Variants in RBFOX1 observed in about 807,000 individuals in gnomAD.
RBFOX1 encodes RNA binding protein fox-1 homolog 1.
A neutral mutation model predicts 57.7 loss-of-function variants in RBFOX1; 8 were observed. The ratio of observed to expected loss-of-function variants is 0.14; its 90% CI spans 0.08 to 0.25. The LOEUF (loss-of-function observed/expected upper bound fraction) is 0.25. Ranked by LOEUF, RBFOX1 falls within the 10% of genes least tolerant of loss-of-function variation. The probability of loss-of-function intolerance (pLI) is 1.00; values close to 1 mark genes in which losing one functional copy is unlikely to be tolerated. For missense variants in RBFOX1, 611 were observed against 548.5 expected (o/e 1.11, Z -1.14); for synonymous variants, 326 against 222.4 (o/e 1.47, Z -4.15).
chr16:7,279,943 T>G (rs2095508868), intron 4 of RBFOX1, among the ~76,000 whole-genome samples: 2 of 152,196 alleles, frequency 1.3e-5, no homozygotes, highest in South Asian at 4.1e-4. Flanking sequence ...CCAGTGGGCC[T>G]GGTAACAATA....
chr16:5,860,113 C>G (rs916399906), intron 3 of RBFOX1, among the ~76,000 whole-genome samples: 2 of 152,152 alleles, frequency 1.3e-5, no homozygotes, highest in African/African-American at 4.8e-5. Flanking sequence ...GATGGAGTCT[C>G]ACTCTGTCGC....
chr16:7,047,596 G>T (rs567806174), intron 3 of RBFOX1, among the ~76,000 whole-genome samples: 2 of 139,952 alleles, frequency 1.4e-5, no homozygotes, highest in Non-Finnish European at 3.1e-5. Flanking sequence ...AATGTAGGAA[G>T]TTTTCAGCCA....
intron 1 of RBFOX1, among the ~76,000 whole-genome samples, chr16:5,293,687 A>G (rs112031578): frequency 0.022 from 3,381 of 152,136 alleles, 70 homozygotes; most frequent in East Asian, 0.062. Context: ...CATTTATATG[A>G]AAGGTCCAGA....
At chr16:5,716,328 G>A (rs1289570875) in intron 3 of RBFOX1, among the ~76,000 whole-genome samples, 1 of 152,170 alleles carries the variant, frequency 6.6e-6, no homozygotes, top group Non-Finnish European at 1.5e-5. Context: ...ATGGGAGATT[G>A]TTGTACAGAT....
At chr16:5,974,423 A>C (rs1241509584) in intron 4 of RBFOX1, among the ~76,000 whole-genome samples, 2 of 152,002 alleles carry the variant, frequency 1.3e-5, no homozygotes, top group African/African-American at 4.8e-5. Context: ...AGCCTGGCCA[A>C]CATGGTGAAA....
At chr16:5,574,615 G>C (rs1053051719) in intron 2 of RBFOX1, among the ~76,000 whole-genome samples, 14 of 151,926 alleles carry the variant, frequency 9.2e-5, no homozygotes, top group Admixed American at 2.6e-4. Context: ...ATTTTTAGTA[G>C]AGATGGGGTT....
chr16:5,414,462 G>T (rs769344221), intron 1 of RBFOX1, among the ~76,000 whole-genome samples: 1 of 152,138 alleles, frequency 6.6e-6, no homozygotes, highest in Non-Finnish European at 1.5e-5. Flanking sequence ...CAGAATGGAG[G>T]GTGACAGTTG....
chr16:6,806,826 A>ATATG (rs1161469236), intron 3 of RBFOX1, among the ~76,000 whole-genome samples: 1 of 76,538 alleles, frequency 1.3e-5, no homozygotes, highest in African/African-American at 4.6e-5. Flanking sequence ...AAATATATAT[A>ATATG]TATATATATA....
intron 2 of RBFOX1, among the ~76,000 whole-genome samples, chr16:6,355,803 C>A (rs1453025549): frequency 6.6e-6 from 1 of 152,168 alleles, no homozygotes; most frequent in Non-Finnish European, 1.5e-5. Context: ...TCTTTTGTTT[C>A]CTGACTTTTT....
At chr16:5,673,527 A>G (rs909205451) in intron 3 of RBFOX1, among the ~76,000 whole-genome samples, 8 of 152,182 alleles carry the variant, frequency 5.3e-5, no homozygotes, top group African/African-American at 1.9e-4. Flanking sequence ...CTTGGCACCT[A>G]AAGGTTGACG....
intron 3 of RBFOX1, among the ~76,000 whole-genome samples, chr16:6,915,768 C>A (rs753097040): frequency 6.6e-6 from 1 of 152,012 alleles, no homozygotes; most frequent in African/African-American, 2.4e-5. Context: ...CCCATGCTGC[C>A]CTCAAGCACC....
At chr16:7,376,371 C>T (rs910389059) in intron 4 of RBFOX1, among the ~76,000 whole-genome samples, 1 of 152,186 alleles carries the variant, frequency 6.6e-6, no homozygotes, top group Non-Finnish European at 1.5e-5. Flanking sequence ...TGACTCAACG[C>T]AGCATCGCCT....
intron 3 of RBFOX1, among the ~76,000 whole-genome samples, chr16:6,906,023 G>T (rs1049662903): frequency 2.0e-5 from 3 of 152,150 alleles, no homozygotes; most frequent in Non-Finnish European, 4.4e-5. Context: ...TCCTCTGGTT[G>T]GGCAGAATGC....
intron 1 of RBFOX1, among the ~76,000 whole-genome samples, chr16:6,183,094 A>G (rs559499220): frequency 6.6e-6 from 1 of 152,310 alleles, no homozygotes; most frequent in South Asian, 2.1e-4. Context: ...TCTTTCTCTC[A>G]GGAAATTTGT....
chr16:7,129,204 C>G lies in RBFOX1; in HGVS notation c.27+77106C>G, dbSNP rs75157339. Among the ~76,000 whole-genome samples, 785 of 152,244 alleles carry G rather than the reference C, an allele frequency of 5.2e-3. 7 individuals are homozygous for G. The highest frequency in any genetic ancestry group is 0.018 in the African/African-American group (751 of 41,554). On this transcript the variant is annotated intron_variant, in intron 4 of 15. Transcript: ENST00000550418. ...TGGCTCCAGAGTACAAGTTCTTCCT[C>G]ATTGCAATGTTCTTTATATAGTTTT...
intron 2 of RBFOX1, among the ~76,000 whole-genome samples, chr16:6,376,332 C>T (rs909359944): frequency 6.6e-6 from 1 of 152,042 alleles, no homozygotes. Flanking sequence ...GCAAGGGCCC[C>T]TGCAAAGTAT....
chr16:5,860,002 G>T (rs545039979), intron 3 of RBFOX1, among the ~76,000 whole-genome samples: 2 of 152,190 alleles, frequency 1.3e-5, no homozygotes, highest in African/African-American at 4.8e-5. Context: ...CTGCAACAAG[G>T]CTATCTTAGG....
chr16:7,460,604 A>G (rs963639239), intron 4 of RBFOX1, among the ~76,000 whole-genome samples: 1 of 150,954 alleles, frequency 6.6e-6, no homozygotes, highest in Non-Finnish European at 1.5e-5. Context: ...TCAAGAAAAA[A>G]TAACTATGGG....
At chr16:6,751,350 G>A (rs541875861) in intron 3 of RBFOX1, among the ~76,000 whole-genome samples, 1 of 152,214 alleles carries the variant, frequency 6.6e-6, no homozygotes, top group South Asian at 2.1e-4. Context: ...TGAATGGACT[G>A]AAAATGTACT....
Sources: gnomAD v4.1 joint callset for allele counts (sites outside exome capture counted in the v4.1 genomes callset) on GRCh38, gnomAD v4.1.1 for gene constraint, MANE v1.5 for transcripts, NCBI Gene and HGNC (gene_info 2026-07-23, HGNC 2026-07-21) for gene names.